Variants in PTPRM observed in about 807,000 individuals in gnomAD.
PTPRM encodes the protein protein tyrosine phosphatase receptor type M.
A neutral mutation model predicts 186.7 loss-of-function variants in PTPRM; 47 were observed. The observed-to-expected ratio is 0.25, with a 90% confidence interval of 0.20 to 0.32. PTPRM has a LOEUF of 0.32. PTPRM is among the 10% of genes least tolerant of loss of function. The pLI is 1.00. For synonymous variants in PTPRM, 668 were observed against 674.9 expected, an observed-to-expected ratio of 0.99 and a Z score of 0.16; for missense variants, 1,494 against 1,865.0, an observed-to-expected ratio of 0.80 and a Z score of 3.66.
chr18:8,349,204 G>T (rs1304480706), intron 23 of PTPRM, among the ~76,000 whole-genome samples: 5 of 152,214 alleles, frequency 3.3e-5, no homozygotes, highest in Non-Finnish European at 7.3e-5. Context: ...CAGGATCAAT[G>T]AGGAAGCAAG....
In PTPRM at chr18:8,088,762, A is replaced by G; in HGVS notation, c.1767A>G (p.Pro589=). Residue 589 remains proline, a synonymous_variant, in exon 11 of 33, where the codon CCA becomes CCG. Transcript: ENST00000580170. ...CTTTTTCCCCAGCACCCTCTATGCC[A>G]GCTTATGAACTTGAGACACCTTTGA... is the stretch of plus-strand genomic sequence containing the variant. The part of the protein sequence containing the change: ...FTTKISAPSM[P]AYELETPLNQ... 1 of 1,612,262 alleles carries G rather than the reference A, an allele frequency of 6.2e-7. No individual in the cohort carries two copies. The highest frequency in any genetic ancestry group is 8.5e-7 in the Non-Finnish European group (1 of 1,178,456).
intron 14 of PTPRM, among the ~76,000 whole-genome samples, chr18:8,169,721 G>T (rs2146437800): frequency 6.6e-6 from 1 of 152,260 alleles, no homozygotes; most frequent in South Asian, 2.1e-4. Context: ...GATTGCTGAT[G>T]AGACTATTTT....
At chr18:8,030,315 A>C (rs542870210) in intron 7 of PTPRM, among the ~76,000 whole-genome samples, 1 of 152,316 alleles carries the variant, frequency 6.6e-6, no homozygotes, top group African/African-American at 2.4e-5. Flanking sequence ...GCTGGGTAAC[A>C]AGTAATTGTT....
intron 2 of PTPRM, among the ~76,000 whole-genome samples, chr18:7,850,444 C>A (rs1230411511): frequency 6.6e-6 from 1 of 152,128 alleles, no homozygotes; most frequent in African/African-American, 2.4e-5. Context: ...GAGAAGGTAA[C>A]CCAGAAAAGG....
intron 1 of PTPRM, among the ~76,000 whole-genome samples, chr18:7,721,970 G>A (rs1478809999): frequency 6.6e-6 from 1 of 152,138 alleles, no homozygotes; most frequent in African/African-American, 2.4e-5. Flanking sequence ...TGTATTTGTT[G>A]TAATTGCATA....
At chr18:8,038,898 T>C (rs1476201661) in intron 7 of PTPRM, among the ~76,000 whole-genome samples, 3 of 152,184 alleles carry the variant, frequency 2.0e-5, no homozygotes, top group African/African-American at 4.8e-5. Context: ...TAGAGTTAGT[T>C]CTAGGAGCAT....
intron 19 of PTPRM, among the ~76,000 whole-genome samples, chr18:8,269,155 T>C (rs958978931): frequency 6.6e-6 from 1 of 151,958 alleles, no homozygotes; most frequent in African/African-American, 2.4e-5. Context: ...ATCTTATATA[T>C]AGAAATACCT....
chr18:7,603,527 C>T (rs745714397), intron 1 of PTPRM, among the ~76,000 whole-genome samples: 1 of 152,210 alleles, frequency 6.6e-6, no homozygotes, highest in Non-Finnish European at 1.5e-5. Flanking sequence ...GCCAGATGTG[C>T]TCCATGGGGA....
At chr18:7,802,008 A>G (rs2043996078) in intron 2 of PTPRM, among the ~76,000 whole-genome samples, 2 of 152,260 alleles carry the variant, frequency 1.3e-5, no homozygotes, top group South Asian at 4.1e-4. Context: ...ATTGGAGAGT[A>G]TAGTGGAGAA....
chr18:7,601,706 T>C (rs2037407442), intron 1 of PTPRM, among the ~76,000 whole-genome samples: 1 of 152,234 alleles, frequency 6.6e-6, no homozygotes, highest in Non-Finnish European at 1.5e-5. Flanking sequence ...GATCATATTT[T>C]AAAAGACCGC....
chr18:8,285,246 C>T (rs528817469), intron 19 of PTPRM, among the ~76,000 whole-genome samples: 26 of 152,204 alleles, frequency 1.7e-4, no homozygotes, highest in Non-Finnish European at 2.9e-4. Context: ...AAAAATTCTA[C>T]TGTAAACATT....
intron 5 of PTPRM, among the ~76,000 whole-genome samples, chr18:7,932,434 A>C (rs2051545849): frequency 6.6e-6 from 1 of 152,186 alleles, no homozygotes; most frequent in Non-Finnish European, 1.5e-5. Flanking sequence ...ACTTTAGTGC[A>C]GCTGTATATC....
chr18:8,316,765 C>T (rs955774793), intron 21 of PTPRM, among the ~76,000 whole-genome samples: 1 of 152,104 alleles, frequency 6.6e-6, no homozygotes, highest in Non-Finnish European at 1.5e-5. Flanking sequence ...AAGGGGGACT[C>T]GGAGCGCCAG....
intron 14 of PTPRM, among the ~76,000 whole-genome samples, chr18:8,194,918 C>T (rs2093756095): frequency 1.3e-5 from 2 of 152,210 alleles, no homozygotes; most frequent in Non-Finnish European, 1.5e-5. Context: ...AAGGATTGGG[C>T]ATACAAACGT....
intron 7 of PTPRM, among the ~76,000 whole-genome samples, chr18:8,020,387 G>A (rs2085137206): frequency 2.0e-5 from 3 of 152,170 alleles, no homozygotes; most frequent in Admixed American, 6.5e-5. Flanking sequence ...CACTGTGTCT[G>A]AAGGATAATG....
At chr18:7,921,276 T>G (rs975577720) in intron 4 of PTPRM, among the ~76,000 whole-genome samples, 1 of 152,178 alleles carries the variant, frequency 6.6e-6, no homozygotes, top group Non-Finnish European at 1.5e-5. Flanking sequence ...TCCTTTTCAT[T>G]TTTTTCTTTT....
intron 1 of PTPRM, among the ~76,000 whole-genome samples, chr18:7,588,257 T>G (rs1281168706): frequency 6.6e-6 from 1 of 152,198 alleles, no homozygotes; most frequent in Admixed American, 6.5e-5. Context: ...CAGAAATAAC[T>G]ACATTAATTT....
intron 7 of PTPRM, among the ~76,000 whole-genome samples, chr18:7,983,545 T>C (rs1325349068): frequency 6.6e-6 from 1 of 152,172 alleles, no homozygotes; most frequent in Non-Finnish European, 1.5e-5. Flanking sequence ...TTTTTGTCTC[T>C]GGCTTTCTCA....
At chr18:7,608,547 C>T (rs2037592787) in intron 1 of PTPRM, among the ~76,000 whole-genome samples, 2 of 152,080 alleles carry the variant, frequency 1.3e-5, no homozygotes, top group South Asian at 4.2e-4. Flanking sequence ...GAATGGGAGG[C>T]ACCTGGCTCC....
Sources: gnomAD v4.1 joint callset for allele counts (sites outside exome capture counted in the v4.1 genomes callset) on GRCh38, gnomAD v4.1.1 for gene constraint, MANE v1.5 for transcripts, NCBI Gene and HGNC (gene_info 2026-07-23, HGNC 2026-07-21) for gene names.